Variants in INPP5A observed in about 807,000 individuals in gnomAD.
The protein encoded by INPP5A is inositol polyphosphate-5-phosphatase A.
INPP5A carries 14 observed loss-of-function variants against 65.2 expected under a neutral mutation model. That is an observed-to-expected ratio of 0.21 (90% CI 0.14 to 0.34). INPP5A has a LOEUF of 0.34. INPP5A is among the 10% of genes least tolerant of loss of function. The pLI is 1.00. For synonymous variants in INPP5A, 207 were observed against 208.3 expected, an observed-to-expected ratio of 0.99 and a Z score of 0.05; for missense variants, 431 against 545.6, an observed-to-expected ratio of 0.79 and a Z score of 2.09.
intron 1 of INPP5A, among the ~76,000 whole-genome samples, chr10:132,540,410 G>C (rs2070892632): frequency 6.6e-6 from 1 of 152,230 alleles, no homozygotes; most frequent in African/African-American, 2.4e-5. Context: ...CATTTGTTTA[G>C]GTCAACAGTA....
intron 9 of INPP5A, among the ~76,000 whole-genome samples, chr10:132,744,034 T>A (rs906600925): frequency 1.1e-4 from 16 of 152,202 alleles, no homozygotes; most frequent in African/African-American, 3.9e-4. Flanking sequence ...TTGCGACACT[T>A]AAGGGCCAGG....
intron 5 of INPP5A, among the ~76,000 whole-genome samples, chr10:132,692,852 G>A (rs913364644): frequency 6.6e-6 from 1 of 152,104 alleles, no homozygotes; most frequent in Non-Finnish European, 1.5e-5. Context: ...TTTACCTAAA[G>A]AAAGAAAAAG....
intron 1 of INPP5A, among the ~76,000 whole-genome samples, chr10:132,589,448 G>A (rs763677013): frequency 1.1e-4 from 16 of 152,248 alleles, no homozygotes; most frequent in Non-Finnish European, 1.5e-5. Context: ...CAGGGCCTCC[G>A]GTAGGGGCCG....
rs977241533 is a variant in INPP5A, at chr10:132,727,251, G to A, written c.732+346G>A. On this transcript the variant is annotated intron_variant, in intron 9 of 15. Coordinates refer to ENST00000368594, the MANE Select transcript of INPP5A (RefSeq NM_005539.5). The surrounding 1 kb of genome is among the most constrained non-coding windows in gnomAD (Gnocchi z 6.5). ...GAGCTGCAGCCTCTGCAGAGTGTCAGCTCCTTCACACTGTCCAACTTGATC... is the reference window on the plus strand; with the variant it reads ...GAGCTGCAGCCTCTGCAGAGTGTCAACTCCTTCACACTGTCCAACTTGATC... The A allele has an allele frequency of 4.5e-6, 1 of 221,694 alleles. No individual in the cohort carries two copies. The highest frequency in any genetic ancestry group is 8.9e-6 in the Non-Finnish European group (1 of 112,300). 13.7% of individuals were successfully genotyped at this position (221,694 alleles called of 1,614,324 possible).
At chr10:132,711,166 G>A (rs1244417280) in intron 8 of INPP5A, among the ~76,000 whole-genome samples, 2 of 152,208 alleles carry the variant, frequency 1.3e-5, no homozygotes, top group Non-Finnish European at 2.9e-5. Context: ...GTCAGTGGGA[G>A]CGTGGGGGCC....
At chr10:132,777,956 C>T (rs61250965) in intron 13 of INPP5A, 174 bp downstream of exon 13, 3 of 1,429,952 alleles carry the variant, frequency 2.1e-6, no homozygotes, top group African/African-American at 2.9e-5. Context: ...TGGGTCACCT[C>T]TGAGCCAGCA....
At chr10:132,622,985 G>C (rs34212166) in intron 2 of INPP5A, among the ~76,000 whole-genome samples, 2,159 of 102,660 alleles carry the variant, frequency 0.021, 111 homozygotes, top group Admixed American at 0.046. Flanking sequence ...CTCAGTTACG[G>C]TGACGTGTTA....
intron 9 of INPP5A, among the ~76,000 whole-genome samples, chr10:132,747,549 A>G (rs1175788041): frequency 6.6e-6 from 1 of 152,186 alleles, no homozygotes; most frequent in Non-Finnish European, 1.5e-5. Flanking sequence ...GCATGCCCGG[A>G]ACCTGCACAG....
chr10:132,753,722 AC>A lies in INPP5A; in HGVS notation c.903+3879del, dbSNP rs1311809454. ...GGAGGTGTTTTCTGTGTGTTTAGCA[AC>A]CGCTGTAGCCCCAGGTGCATTGATT... On this transcript the variant is annotated intron_variant, in intron 11 of 15. Transcript: ENST00000368594. The surrounding 1 kb of genome is among the most constrained non-coding windows in gnomAD (Gnocchi z 5.3). 6.6e-6 allele frequency: 1 copy of A among 152,076 alleles called. No individual in the cohort carries two copies. The allele number at this position is 152,076 out of a possible 1,614,324, so 9.4% of individuals were successfully genotyped here. A position where few individuals can be genotyped will look rare whatever the true frequency, so the allele number is the denominator to read the frequency against.
intron 1 of INPP5A, among the ~76,000 whole-genome samples, chr10:132,596,648 T>C (rs1029392365): frequency 2.0e-5 from 3 of 152,220 alleles, no homozygotes; most frequent in African/African-American, 7.2e-5. Flanking sequence ...CAGGCTGTTC[T>C]TGAGAATTCC....
chr10:132,777,839 T>G, intron 13 of INPP5A, 57 bp downstream of exon 13: 1 of 1,587,132 alleles, frequency 6.3e-7, no homozygotes, highest in South Asian at 1.1e-5. Flanking sequence ...CTGGGTCTGG[T>G]CTGGCCCAGC....
intron 4 of INPP5A, among the ~76,000 whole-genome samples, chr10:132,689,301 C>T (rs1193066780): frequency 2.0e-5 from 3 of 152,194 alleles, no homozygotes; most frequent in African/African-American, 7.2e-5. Context: ...GGGCTCCCTG[C>T]AGGCAGCCCC....
rs1023691543 is a variant in INPP5A, at chr10:132,545,031, C to T, written c.75+6860C>T. ...GGGCAGTGTTGGGAGAATGTCTGCA[C>T]GTAGGCGTGGTCACGTCCGTCCCTG... On this transcript the variant is annotated intron_variant, in intron 1 of 15. Transcript: ENST00000368594. This position sits in a 1 kb window ranked among gnomAD's most constrained non-coding sequence, Gnocchi z 4.6. Among the ~76,000 whole-genome samples, 6 of 152,282 alleles carry T rather than the reference C, an allele frequency of 3.9e-5. No individual in the cohort carries two copies. The highest frequency in any genetic ancestry group is 1.9e-4 in the East Asian group (1 of 5,184).
intron 2 of INPP5A, among the ~76,000 whole-genome samples, chr10:132,614,860 G>A (rs2072009038): frequency 6.6e-6 from 1 of 152,270 alleles, no homozygotes; most frequent in African/African-American, 2.4e-5. Flanking sequence ...GACACGGCAA[G>A]AAGGTGCCGT....
chr10:132,631,634 G>A (rs1164943480), intron 2 of INPP5A, among the ~76,000 whole-genome samples: 4 of 152,242 alleles, frequency 2.6e-5, no homozygotes, highest in Non-Finnish European at 4.4e-5. Context: ...AGTCTTGGCC[G>A]TGCCGATGGA....
chr10:132,749,691 C>G lies in INPP5A; in HGVS notation c.828+79C>G, dbSNP rs918166654. 99 of 1,598,044 alleles carry G rather than the reference C, an allele frequency of 6.2e-5. No homozygotes were observed. The African/African-American group carries it at 1.0e-3, about 16-fold the overall frequency. On this transcript the variant is annotated intron_variant, in intron 10 of 15. Transcript: ENST00000368594. ...GCAGCTTCCTTCAGAGCCGCCCTGC[C>G]TGCCCGGTTCGGTGGGGGCTAGGGG...
At chr10:132,742,560 C>T (rs968331953) in intron 9 of INPP5A, among the ~76,000 whole-genome samples, 1 of 152,238 alleles carries the variant, frequency 6.6e-6, no homozygotes, top group African/African-American at 2.4e-5. Context: ...CAGGCTGTGT[C>T]CAGCCAGAGC....
chr10:132,778,638 G>A (rs980278078), intron 13 of INPP5A, among the ~76,000 whole-genome samples: 1 of 152,212 alleles, frequency 6.6e-6, no homozygotes, highest in Non-Finnish European at 1.5e-5. Context: ...CGGGGCCTCT[G>A]AACATAACGT....
At chr10:132,693,287 A>G (rs143744729) in intron 5 of INPP5A, among the ~76,000 whole-genome samples, 393 of 152,322 alleles carry the variant, frequency 2.6e-3, no homozygotes, top group Non-Finnish European at 4.7e-3. Context: ...ACAAATAGAA[A>G]ACTTACAAAT....
Sources: allele counts gnomAD v4.1 joint callset (sites outside exome capture counted in the v4.1 genomes callset), GRCh38; gene constraint gnomAD v4.1.1; non-coding constraint Gnocchi (gnomAD v3.1); transcripts MANE v1.5; gene names NCBI Gene and HGNC (gene_info 2026-07-23, HGNC 2026-07-21).